ARHGAP29: variants seen among roughly 807,000 people sequenced by gnomAD.
The protein encoded by ARHGAP29 is Rho GTPase activating protein 29, also known as rho GTPase-activating protein 29.
ARHGAP29 carries 43 observed loss-of-function variants against 122.6 expected under a neutral mutation model. That is an observed-to-expected ratio of 0.35 (90% CI 0.27 to 0.45). ARHGAP29 has a LOEUF of 0.45. Among genes scored for constraint, ARHGAP29 ranks in the 20% least tolerant of loss-of-function variants. ARHGAP29 has a pLI of 1.00. For missense variants in ARHGAP29, 1,303 were observed against 1,477.2 expected (o/e 0.88, Z 1.93); for synonymous variants, 506 against 497.1 (o/e 1.02, Z -0.24).
intron 2 of ARHGAP29, among the ~76,000 whole-genome samples, chr1:94,228,821 C>T (rs376976392): frequency 2.0e-5 from 3 of 151,710 alleles, no homozygotes; most frequent in African/African-American, 7.2e-5. Flanking sequence ...TAAACAACTG[C>T]GGCAAAAGTC....
At chr1:94,237,599 C>T (rs1424044085), upstream of ARHGAP29, 11 of 988,112 alleles carry the variant, frequency 1.1e-5, no homozygotes, top group Admixed American at 1.8e-4. Flanking sequence ...CCGCCACCGC[C>T]CCTGCAGCTA....
intron 3 of ARHGAP29, among the ~76,000 whole-genome samples, chr1:94,209,957 C>T (rs2101543497): frequency 6.6e-6 from 1 of 151,956 alleles, no homozygotes; most frequent in East Asian, 1.9e-4. Flanking sequence ...GCTCTGAGGT[C>T]CATGTTAATT....
At chr1:94,186,801 C>A (rs1481287014) in intron 15 of ARHGAP29, among the ~76,000 whole-genome samples, 1 of 152,140 alleles carries the variant, frequency 6.6e-6, no homozygotes, top group African/African-American at 2.4e-5. Flanking sequence ...ATCTGACTTT[C>A]CCAAACAAAT....
At chr1:94,260,497 C>T (rs533946612) in intron 1 of ARHGAP29, among the ~76,000 whole-genome samples, 17 of 152,204 alleles carry the variant, frequency 1.1e-4, no homozygotes, top group African/African-American at 4.1e-4. Flanking sequence ...AAGAGCAGCT[C>T]GTCTGTAGGC....
chr1:94,285,891 G>GAAAAAAAAAAAAAAAAAAAAA, the ARHGAP29 span, among the ~76,000 whole-genome samples: 1 of 124,560 alleles, frequency 8.0e-6, no homozygotes. Context: ...AAAAAAAAAA[G>GAAAAAAAAAAAAAAAAAAAAA]AAAAAAAAAA....
intron 1 of ARHGAP29, among the ~76,000 whole-genome samples, chr1:94,245,733 G>C (rs1325884068): frequency 6.6e-6 from 1 of 152,144 alleles, no homozygotes; most frequent in Admixed American, 6.6e-5. Flanking sequence ...AGATGCAAAG[G>C]TTCTACAGGA....
chr1:94,215,797 T>G (rs1010251769), intron 3 of ARHGAP29, among the ~76,000 whole-genome samples: 3 of 151,960 alleles, frequency 2.0e-5, no homozygotes, highest in African/African-American at 7.2e-5. Flanking sequence ...TAAAAAAAAT[T>G]TTTCAACATT....
At chr1:94,304,799 A>G in the ARHGAP29 span, among the ~76,000 whole-genome samples, 35,416 of 152,150 alleles carry the variant, frequency 0.23, 4,319 homozygotes, top group East Asian at 0.44. Context: ...TGTATTATTC[A>G]CTTTTTATTA....
chr1:94,272,716 C>G (rs1390409206), intron 1 of ARHGAP29, among the ~76,000 whole-genome samples: 1 of 152,166 alleles, frequency 6.6e-6, no homozygotes, highest in Non-Finnish European at 1.5e-5. Context: ...TTCTCCTTCC[C>G]CTTCTCTCCT....
At chr1:94,214,084 G>A (rs1651814342) in intron 3 of ARHGAP29, among the ~76,000 whole-genome samples, 1 of 152,148 alleles carries the variant, frequency 6.6e-6, no homozygotes, top group African/African-American at 2.4e-5. Flanking sequence ...AAAGGCTTTA[G>A]AGTTTCAGCC....
intron 12 of ARHGAP29, chr1:94,192,534 G>A (rs1287960756): frequency 6.6e-6 from 1 of 152,198 alleles, no homozygotes; most frequent in African/African-American, 2.4e-5. Flanking sequence ...CCCCAAGCAA[G>A]TCCAAATCCC....
intron 1 of ARHGAP29, among the ~76,000 whole-genome samples, chr1:94,267,535 TAGTC>T: frequency 6.6e-6 from 1 of 152,334 alleles, no homozygotes; most frequent in South Asian, 2.1e-4. Flanking sequence ...GCATATCTAA[TAGTC>T]AGTGCCTCCC....
the ARHGAP29 span, among the ~76,000 whole-genome samples, chr1:94,310,425 G>A: frequency 0.33 from 49,832 of 152,082 alleles, 8,618 homozygotes; most frequent in South Asian, 0.4. Context: ...ATGCCGGAGC[G>A]TGCTCAGTAG....
chr1:94,267,519 C>T (rs1654817848), intron 1 of ARHGAP29, among the ~76,000 whole-genome samples: 1 of 152,174 alleles, frequency 6.6e-6, no homozygotes, highest in South Asian at 2.1e-4. Flanking sequence ...AAAGGCTTAA[C>T]ACTGAGCATA....
intron 22 of ARHGAP29, among the ~76,000 whole-genome samples, chr1:94,175,211 T>C (rs965139244): frequency 6.6e-6 from 1 of 152,178 alleles, no homozygotes; most frequent in Non-Finnish European, 1.5e-5. Context: ...TGAGAGCATA[T>C]GATATTAGAT....
the ARHGAP29 span, among the ~76,000 whole-genome samples, chr1:94,288,008 G>T: frequency 4.8e-4 from 73 of 152,126 alleles, no homozygotes; most frequent in Non-Finnish European, 9.0e-4. Context: ...AATCCTTTGG[G>T]TATATACCCA....
At chr1:94,230,765 T>C (rs776852982) in intron 2 of ARHGAP29, among the ~76,000 whole-genome samples, 1 of 151,786 alleles carries the variant, frequency 6.6e-6, no homozygotes, top group Non-Finnish European at 1.5e-5. Context: ...ATCCTTGCCA[T>C]CAAATTTAGA....
the ARHGAP29 span, among the ~76,000 whole-genome samples, chr1:94,304,228 T>G: frequency 2.0e-5 from 3 of 152,184 alleles, no homozygotes; most frequent in Non-Finnish European, 4.4e-5. Flanking sequence ...CAGCCTCCAC[T>G]TCCCAGGCTA....
chr1:94,198,673 T>C (rs1413136950), intron 12 of ARHGAP29, among the ~76,000 whole-genome samples: 1 of 152,204 alleles, frequency 6.6e-6, no homozygotes, highest in Admixed American at 6.5e-5. Flanking sequence ...TTTTTTTTTC[T>C]TAATCAAAGA....
Sources: allele counts gnomAD v4.1 joint callset (sites outside exome capture counted in the v4.1 genomes callset), GRCh38; gene constraint gnomAD v4.1.1; transcripts MANE v1.5; gene names NCBI Gene and HGNC (gene_info 2026-07-23, HGNC 2026-07-21).